CACNA2D3: variants seen among roughly 807,000 people sequenced by gnomAD.
The protein encoded by CACNA2D3 is voltage-dependent calcium channel subunit alpha-2/delta-3.
A neutral mutation model predicts 160.6 loss-of-function variants in CACNA2D3; 60 were observed. The observed-to-expected ratio is 0.37, with a 90% CI of 0.30 to 0.46. The LOEUF (loss-of-function observed/expected upper bound fraction) is 0.46, where lower values mean the gene tolerates loss of function less well. CACNA2D3 is among the 20% of genes least tolerant of loss of function. CACNA2D3 has a pLI of 1.00. For synonymous variants in CACNA2D3, 558 were observed against 492.9 expected, an observed-to-expected ratio of 1.13 and a Z score of -1.75; for missense variants, 1,205 against 1,365.0, an observed-to-expected ratio of 0.88 and a Z score of 1.85.
At chr3:54,559,072 A>G (rs1181609858) in intron 5 of CACNA2D3, among the ~76,000 whole-genome samples, 1 of 152,060 alleles carries the variant, frequency 6.6e-6, no homozygotes, top group Non-Finnish European at 1.5e-5. Context: ...TCATGTAGTC[A>G]TTCTCAAACT....
chr3:54,869,721 C>T (rs141148927), intron 17 of CACNA2D3, among the ~76,000 whole-genome samples: 74 of 152,178 alleles, frequency 4.9e-4, no homozygotes, highest in African/African-American at 1.6e-3. Context: ...ATCCCTGCCC[C>T]GCACTCCTCC....
At chr3:54,183,892 G>GAAAAAAAAAAAAAAAAAAAA (rs58956795) in intron 2 of CACNA2D3, among the ~76,000 whole-genome samples, 1 of 80,756 alleles carries the variant, frequency 1.2e-5, no homozygotes, top group Non-Finnish European at 2.1e-5. Flanking sequence ...TCTCAAAAAA[G>GAAAAAAAAAAAAAAAAAAAA]AAAAAAAAAA....
chr3:54,954,921 A>G (rs1177724242), intron 27 of CACNA2D3, among the ~76,000 whole-genome samples: 1 of 152,212 alleles, frequency 6.6e-6, no homozygotes, highest in African/African-American at 2.4e-5. Flanking sequence ...TGTCTGGACC[A>G]CAGTGCATTT....
At chr3:54,481,648 C>G (rs969153859) in intron 4 of CACNA2D3, among the ~76,000 whole-genome samples, 1 of 152,232 alleles carries the variant, frequency 6.6e-6, no homozygotes, top group Admixed American at 6.5e-5. Flanking sequence ...AGCTAATAGA[C>G]ATTCTCATTT....
intron 35 of CACNA2D3, among the ~76,000 whole-genome samples, chr3:55,042,466 G>A (rs1441966280): frequency 6.6e-6 from 1 of 152,020 alleles, no homozygotes; most frequent in African/African-American, 2.4e-5. Flanking sequence ...AGCCAAACCA[G>A]CTTTCTTCCA....
chr3:54,922,332 T>C (rs1216567208), intron 27 of CACNA2D3, among the ~76,000 whole-genome samples: 1 of 152,114 alleles, frequency 6.6e-6, no homozygotes, highest in Non-Finnish European at 1.5e-5. Context: ...TTTTTTTTTT[T>C]TTTTTAATCA....
intron 13 of CACNA2D3, among the ~76,000 whole-genome samples, chr3:54,815,188 A>G (rs955793825): frequency 2.6e-5 from 4 of 152,238 alleles, no homozygotes; most frequent in African/African-American, 9.6e-5. Flanking sequence ...AGTTCCAGCC[A>G]TAAGTAGGAG....
At chr3:54,936,243 G>C (rs982255271) in intron 27 of CACNA2D3, among the ~76,000 whole-genome samples, 1 of 152,018 alleles carries the variant, frequency 6.6e-6, no homozygotes, top group African/African-American at 2.4e-5. Context: ...GTATCAACTA[G>C]GTACTTAGAT....
intron 3 of CACNA2D3, among the ~76,000 whole-genome samples, chr3:54,321,028 A>G (rs1224920201): frequency 6.6e-6 from 1 of 152,188 alleles, no homozygotes; most frequent in Non-Finnish European, 1.5e-5. Flanking sequence ...GTTATTTGAA[A>G]GTTTTTATTG....
At chr3:54,620,893 T>C (rs1412425487) in intron 9 of CACNA2D3, among the ~76,000 whole-genome samples, 1 of 152,192 alleles carries the variant, frequency 6.6e-6, no homozygotes, top group Non-Finnish European at 1.5e-5. Context: ...AACAAAGTAA[T>C]GTACAAAAAG....
chr3:54,314,235 T>A (rs139055620), intron 2 of CACNA2D3, among the ~76,000 whole-genome samples: 67 of 152,362 alleles, frequency 4.4e-4, no homozygotes, highest in Middle Eastern at 6.8e-3. Context: ...TGTCATTAAT[T>A]TATTCCCTAT....
intron 2 of CACNA2D3, among the ~76,000 whole-genome samples, chr3:54,274,622 A>C (rs934065434): frequency 1.3e-5 from 2 of 152,250 alleles, no homozygotes; most frequent in Non-Finnish European, 2.9e-5. Context: ...TTACTATTAC[A>C]CAGTTTCTCT....
chr3:54,924,305 A>G (rs575495173), intron 27 of CACNA2D3, among the ~76,000 whole-genome samples: 2 of 152,358 alleles, frequency 1.3e-5, no homozygotes, highest in African/African-American at 4.8e-5. Flanking sequence ...GGGGTTGAGC[A>G]GTTATTCAGG....
At chr3:54,124,618 T>C (rs1699549978) in intron 2 of CACNA2D3, among the ~76,000 whole-genome samples, 1 of 152,256 alleles carries the variant, frequency 6.6e-6, no homozygotes, top group Non-Finnish European at 1.5e-5. Context: ...ATTTTATTTA[T>C]GGCATTCCCC....
At chr3:54,406,093 G>A (rs1445358566) in intron 4 of CACNA2D3, among the ~76,000 whole-genome samples, 2 of 152,132 alleles carry the variant, frequency 1.3e-5, no homozygotes, top group Non-Finnish European at 2.9e-5. Flanking sequence ...TATGCTGTCA[G>A]TGGGAATATA....
chr3:54,998,937 G>C (rs9790239), intron 31 of CACNA2D3, among the ~76,000 whole-genome samples: 1 of 151,700 alleles, frequency 6.6e-6, no homozygotes, highest in African/African-American at 2.4e-5. Context: ...TAGTAGAGAC[G>C]GGGTTTCACT....
At chr3:54,610,362 G>C (rs1698727184) in intron 9 of CACNA2D3, among the ~76,000 whole-genome samples, 1 of 151,888 alleles carries the variant, frequency 6.6e-6, no homozygotes, top group Non-Finnish European at 1.5e-5. Flanking sequence ...CTTCTTTCAG[G>C]CTAAGCTGCT....
chr3:54,618,374 T>TATATATACACACACACACACAC, intron 9 of CACNA2D3, among the ~76,000 whole-genome samples: 1 of 54,586 alleles, frequency 1.8e-5, no homozygotes, highest in African/African-American at 1.1e-4. Flanking sequence ...TATATATATA[T>TATATATACACACACACACACAC]GCACACACAC....
At chr3:55,031,164 A>G (rs1703681078) in intron 35 of CACNA2D3, among the ~76,000 whole-genome samples, 1 of 152,144 alleles carries the variant, frequency 6.6e-6, no homozygotes, top group African/African-American at 2.4e-5. Context: ...TGTCCACACT[A>G]TTGACGTCTG....
Sources: allele counts gnomAD v4.1 joint callset (sites outside exome capture counted in the v4.1 genomes callset), GRCh38; gene constraint gnomAD v4.1.1; transcripts MANE v1.5; gene names NCBI Gene and HGNC (gene_info 2026-07-23, HGNC 2026-07-21).